CPM: variants seen among roughly 807,000 people sequenced by gnomAD.
CPM encodes carboxypeptidase M.
A neutral mutation model predicts 46.4 loss-of-function variants in CPM; 35 were observed. That is an observed-to-expected ratio of 0.75 (90% confidence interval 0.58 to 1.00). CPM has a LOEUF of 1.00. Ranked by LOEUF, CPM falls within the 50% of genes least tolerant of loss-of-function variation. The pLI is 0.00. For missense variants in CPM, 422 were observed against 530.4 expected (o/e 0.80, Z 2.01); for synonymous variants, 195 against 195.3 (o/e 1.00, Z 0.01).
chr12:68,902,984 T>C (rs1455149107), intron 2 of CPM, among the ~76,000 whole-genome samples: 1 of 152,234 alleles, frequency 6.6e-6, no homozygotes, highest in African/African-American at 2.4e-5. Flanking sequence ...GCTTCTCCAA[T>C]AGATGAGCAT....
chr12:68,871,700 T>C, intron 4 of CPM, 84 bp downstream of exon 4: 1 of 1,434,510 alleles, frequency 7.0e-7, no homozygotes, highest in South Asian at 1.2e-5. Context: ...ATGACACATC[T>C]CCTCTTGCCA....
rs1294198952 is a variant in CPM, at chr12:68,914,082, G to T, written c.160+18596C>A. The T allele has an allele frequency of 1.0e-5, 6 of 595,622 alleles. No homozygotes were observed. The East Asian group carries it at 2.0e-4, about 19-fold the overall frequency. The allele number at this position is 595,622 out of a possible 1,614,324, so 36.9% of individuals were successfully genotyped here. ...TGCTATAAACAGGCTTGGAATCTGGGTAATTACAAACAGAAAATTATAGTC... is the reference window on the plus strand; with the variant it reads ...TGCTATAAACAGGCTTGGAATCTGGTTAATTACAAACAGAAAATTATAGTC... On this transcript the variant is annotated intron_variant, in intron 2 of 8. Transcript: ENST00000551568.
intron 1 of CPM, among the ~76,000 whole-genome samples, chr12:68,959,479 G>C (rs192304568): frequency 6.6e-6 from 1 of 152,270 alleles, no homozygotes; most frequent in East Asian, 1.9e-4. Flanking sequence ...CAAAACTTAA[G>C]ACTGAGTTAG....
chr12:68,949,207 C>T (rs940492837), intron 1 of CPM, among the ~76,000 whole-genome samples: 3 of 152,062 alleles, frequency 2.0e-5, no homozygotes, highest in African/African-American at 7.2e-5. Context: ...CTCATCTGTA[C>T]AAAAAATACA....
chr12:68,961,877 G>A (rs79521309), intron 1 of CPM, among the ~76,000 whole-genome samples: 3 of 151,922 alleles, frequency 2.0e-5, no homozygotes, highest in South Asian at 2.1e-4. Flanking sequence ...AAAGTGTTTC[G>A]TGGTCTTTTT....
intron 3 of CPM, among the ~76,000 whole-genome samples, chr12:68,876,982 A>G (rs1885985937): frequency 1.3e-5 from 2 of 151,806 alleles, no homozygotes; most frequent in African/African-American, 2.4e-5. Flanking sequence ...TTGAAATGCT[A>G]CCCTGTGATG....
intron 3 of CPM, among the ~76,000 whole-genome samples, chr12:68,874,400 G>T (rs909430525): frequency 6.6e-6 from 1 of 152,008 alleles, no homozygotes; most frequent in South Asian, 2.1e-4. Flanking sequence ...TGGATCACCC[G>T]AAGTCAGGAG....
intron 1 of CPM, among the ~76,000 whole-genome samples, chr12:68,951,563 A>T (rs1249647534): frequency 6.6e-6 from 1 of 152,102 alleles, no homozygotes; most frequent in African/African-American, 2.4e-5. Context: ...TTTTAGGAAG[A>T]GGGTATTATG....
intron 2 of CPM, among the ~76,000 whole-genome samples, chr12:68,887,014 G>C (rs1351358055): frequency 6.6e-6 from 1 of 152,164 alleles, no homozygotes; most frequent in Non-Finnish European, 1.5e-5. Context: ...AAGGGCTTAT[G>C]ATCACACTGC....
intron 4 of CPM, 115 bp from the exon 5 acceptor site, chr12:68,870,514 G>A: frequency 1.2e-6 from 1 of 864,328 alleles, no homozygotes; most frequent in Non-Finnish European, 1.8e-6. Context: ...GAGTATGGGT[G>A]TGGTGGATGG....
At chr12:68,842,563 C>G (rs1397379019) in intron 5 of CPM, 1 of 344,342 alleles carries the variant, frequency 2.9e-6, no homozygotes, top group East Asian at 5.2e-5. Context: ...GATCGCATCT[C>G]ATTGTTAACT....
At position 68,947,812 on chromosome 12, in the gene CPM, T is replaced by C. The variant is rs1888872042; in HGVS notation, c.-3-14972A>G. Among the ~76,000 whole-genome samples, 9 of 151,976 alleles carry C rather than the reference T, an allele frequency of 5.9e-5. No homozygotes were observed. The South Asian group carries it at 1.9e-3, about 32-fold the overall frequency. On this transcript the variant is annotated intron_variant, in intron 1 of 8. Coordinates refer to the CPM transcript ENST00000546373. ...GGTGTGTGCCACCATGGCCAGCTTT[T>C]TTAAAATTTTTTTTTATTTTAGTAG... is the stretch of plus-strand genomic sequence containing the variant.
At chr12:68,951,856 A>G (rs937149021) in intron 1 of CPM, among the ~76,000 whole-genome samples, 15 of 152,226 alleles carry the variant, frequency 9.9e-5, no homozygotes, top group African/African-American at 3.1e-4. Flanking sequence ...GCAAGTAAAC[A>G]TGACTTCCTA....
At chr12:68,938,635 G>A (rs937096460) in intron 1 of CPM, among the ~76,000 whole-genome samples, 14 of 151,814 alleles carry the variant, frequency 9.2e-5, no homozygotes, top group Admixed American at 2.6e-4. Context: ...AAAATATTTG[G>A]CCAAGTTATA....
Position 68,858,814 on chromosome 12 carries a change from G to A in CPM, c.1089+109C>T, listed in dbSNP as rs58495062. On this transcript the variant is annotated intron_variant, in intron 8 of 8. Transcript: ENST00000551568. ...TGACACTATCCTTTCTTTCTGTCTC[G>A]ATGGATCTACTTTTGAACTTCCTAG... The A allele has an allele frequency of 2.4e-3, 1,358 of 570,412 alleles. 20 individuals carry two copies. Among genetic ancestry groups the A allele is most frequent in the African/African-American group, 0.023 (1,184 of 50,570 alleles). The allele number at this position is 570,412 out of a possible 1,614,324, so 35.3% of individuals were successfully genotyped here.
At chr12:68,948,620 A>T (rs1197300679) in intron 1 of CPM, among the ~76,000 whole-genome samples, 1 of 152,180 alleles carries the variant, frequency 6.6e-6, no homozygotes, top group Non-Finnish European at 1.5e-5. Context: ...CGTAACCCCC[A>T]GTCAGAATGA....
At chr12:68,844,085 TC>T in intron 5 of CPM, 1 of 206,880 alleles carries the variant, frequency 4.8e-6, no homozygotes, top group Non-Finnish European at 9.9e-6. Context: ...AAAATTTAAA[TC>T]TGCAAATGGA....
At chr12:68,846,479 A>G (rs926863368), downstream of CPM, 4 of 152,056 alleles carry the variant, frequency 2.6e-5, no homozygotes, top group Non-Finnish European at 4.4e-5. Context: ...GCCTGTGTCT[A>G]TTTTTGGTTC....
intron 6 of CPM, 137 bp downstream of exon 6, chr12:68,869,188 T>G: frequency 1.5e-4 from 103 of 668,078 alleles, no homozygotes; most frequent in East Asian, 3.3e-4. Flanking sequence ...ACTGCTCTTA[T>G]GATATTAGCT....
Sources: allele counts gnomAD v4.1 joint callset (sites outside exome capture counted in the v4.1 genomes callset), GRCh38; gene constraint gnomAD v4.1.1; transcripts MANE v1.5; gene names NCBI Gene and HGNC (gene_info 2026-07-23, HGNC 2026-07-21).